The following VPS37B variants were observed in gnomAD, a reference collection of about 807,000 sequenced individuals.
VPS37B encodes VPS37B subunit of ESCRT-I, also known as vacuolar protein sorting-associated protein 37B.
VPS37B carries 11 observed loss-of-function variants against 21.2 expected under a neutral mutation model. The observed-to-expected ratio is 0.52, with a 90% confidence interval of 0.33 to 0.86. The LOEUF (loss-of-function observed/expected upper bound fraction) is 0.86. Among genes scored for constraint, VPS37B ranks in the 40% least tolerant of loss-of-function variants. The pLI is 0.03. For synonymous variants in VPS37B, 175 were observed against 159.6 expected (o/e 1.10, Z -0.73); for missense variants, 389 against 374.8 (o/e 1.04, Z -0.31).
chr12:122,867,406 G>A lies in VPS37B; in HGVS notation c.568C>T (p.Pro190Ser). Residue 190 changes from proline (P) to serine (S), a missense_variant, in exon 4 of 4, where the codon CCC becomes TCC. Coordinates refer to ENST00000267202, the MANE Select transcript of VPS37B (RefSeq NM_024667.3). The surrounding 1 kb of genome is among the most constrained non-coding windows in gnomAD (Gnocchi z 5.5). ...LPELAPTAPL[P>S]YPAPEASGPP... Reference sequence around the variant, plus strand: ...CCACTGGCCTCTGGGGCAGGGTAGGGAAGGGGGGCGGTAGGTGCCAGTTCG... The same window carrying A: ...CCACTGGCCTCTGGGGCAGGGTAGGAAAGGGGGGCGGTAGGTGCCAGTTCG... 6.9e-7 allele frequency: 1 copy of A among 1,455,776 alleles called. No homozygotes were observed. Among genetic ancestry groups the A allele is most frequent in the Non-Finnish European group, 9.2e-7 (1 of 1,085,224 alleles). The allele number at this position is 1,455,776 out of a possible 1,614,324, so 90.2% of individuals were successfully genotyped here.
At chr12:122,878,633 C>CTTTTTTTTTTTTTTTTTTTTTTTTTTTTT (rs34296385) in intron 1 of VPS37B, 1 of 83,722 alleles carries the variant, frequency 1.2e-5, no homozygotes, top group Non-Finnish European at 2.2e-5. Context: ...GACAAGAGTC[C>CTTTTTTTTTTTTTTTTTTTTTTTTTTTTT]TTTTTTTTTT....
At position 122,885,406 on chromosome 12, in the gene VPS37B, AG is replaced by A. The variant is rs1369824382; in HGVS notation, c.111+10545del. The A allele has an allele frequency of 3.9e-5, 6 of 152,186 alleles. No homozygotes were observed. In the East Asian group the frequency reaches 1.2e-3, roughly 29 times the overall value. The allele number at this position is 152,186 out of a possible 1,614,324, so 9.4% of individuals were successfully genotyped here. ...TATATAAATGACATATCCACATGAA[AG>A]ATCACATAGCTGTTAAAAATCATGT... On this transcript the variant is annotated intron_variant, in intron 1 of 3. Transcript: ENST00000267202.
chr12:122,876,814 A>G (rs909592708), intron 1 of VPS37B: 1 of 152,194 alleles, frequency 6.6e-6, no homozygotes, highest in Non-Finnish European at 1.5e-5. Context: ...TCAGCAAGAA[A>G]GAAAAGAGAT....
chr12:122,867,284 T>C lies in VPS37B; in HGVS notation c.690A>G (p.Gly230=). 7.5e-7 allele frequency: 1 copy of C among 1,335,502 alleles called. No homozygotes were observed. Among genetic ancestry groups the C allele is most frequent in the South Asian group, 1.2e-5 (1 of 82,262 alleles). 82.7% of individuals were successfully genotyped at this position (1,335,502 alleles called of 1,614,324 possible). The change falls in exon 4 of 4, where the codon GGA becomes GGG. Residue 230 remains glycine (G), a synonymous_variant. Transcript: ENST00000267202. The surrounding 1 kb of genome is among the most constrained non-coding windows in gnomAD (Gnocchi z 5.5). ...GTAATCCTGGGTACGGCACGGCCTG[T>C]CCCGAACTCATGGCCGCAGTAAACG... The part of the protein sequence containing the change: ...ATPFTAAMSS[G]QAVPYPGLQC...
chr12:122,868,296 C>T lies in VPS37B; in HGVS notation c.366+184G>A, dbSNP rs1449481813. On this transcript the variant is annotated intron_variant, in intron 3 of 3. Coordinates refer to ENST00000267202, the MANE Select transcript of VPS37B (RefSeq NM_024667.3). This position sits in a 1 kb window ranked among gnomAD's most constrained non-coding sequence, Gnocchi z 5.5. ...ACCTGCCCTCACTCACCCCGCTGCTCCCTGGACCCCTGCCTGGCACTTTCC... is the reference window on the plus strand; with the variant it reads ...ACCTGCCCTCACTCACCCCGCTGCTTCCTGGACCCCTGCCTGGCACTTTCC... 1.3e-5 allele frequency among the ~76,000 whole-genome samples: 2 copies of T among 152,150 alleles called. No homozygotes were observed. The highest frequency in any genetic ancestry group is 2.9e-5 in the Non-Finnish European group (2 of 68,024).
At chr12:122,874,058 G>C (rs1056836855) in intron 1 of VPS37B, 1 of 152,262 alleles carries the variant, frequency 6.6e-6, no homozygotes, top group Non-Finnish European at 1.5e-5. Flanking sequence ...AAAGTCACTA[G>C]AGACTAAGTC....
At chr12:122,889,593 G>T (rs1464171000) in intron 1 of VPS37B, 1 of 152,394 alleles carries the variant, frequency 6.6e-6, no homozygotes, top group South Asian at 2.1e-4. Flanking sequence ...ATGGTGGCGC[G>T]TGCCTGTAAT....
At chr12:122,871,560 A>G in intron 1 of VPS37B, 1 of 985,722 alleles carries the variant, frequency 1.0e-6, no homozygotes, top group Non-Finnish European at 1.2e-6. Flanking sequence ...CCTGGGAAGG[A>G]ACTGTGTTTC....
chr12:122,867,372 G>T lies in VPS37B; in HGVS notation c.602C>A (p.Ala201Asp). The part of the protein sequence containing the change: ...YPAPEASGPP[A>D]VAPRRIPPPP... ...GGGGGGGATGCGCCGAGGTGCAACG[G>T]CAGGAGGCCCACTGGCCTCTGGGGC... The change falls in exon 4 of 4, where the codon GCC (alanine) becomes GAC (aspartate). Residue 201 changes from alanine to aspartate, a missense_variant. Transcript: ENST00000267202. This position sits in a 1 kb window ranked among gnomAD's most constrained non-coding sequence, Gnocchi z 5.5. The T allele has an allele frequency of 6.5e-7, 1 of 1,542,910 alleles. No individual in the cohort carries two copies.
intron 1 of VPS37B, chr12:122,874,203 G>A (rs185805814): frequency 6.6e-5 from 10 of 152,320 alleles, no homozygotes; most frequent in Admixed American, 2.0e-4. Flanking sequence ...ATGCAGCACC[G>A]ACCGACATTC....
At chr12:122,886,499 G>C (rs1185960149) in intron 1 of VPS37B, 2 of 152,170 alleles carry the variant, frequency 1.3e-5, no homozygotes, top group Non-Finnish European at 2.9e-5. Context: ...GCAAGCGCCC[G>C]TAATCCCAGC....
chr12:122,871,381 T>C, intron 1 of VPS37B: 2 of 1,071,034 alleles, frequency 1.9e-6, no homozygotes, highest in Non-Finnish European at 2.3e-6. Flanking sequence ...GCCATTGTGC[T>C]TGCAGAAGTA....
Position 122,868,484 on chromosome 12 carries a change from G to A in VPS37B, c.362C>T (p.Thr121Ile), listed in dbSNP as rs749701714. 1.9e-6 allele frequency: 3 copies of A among 1,613,006 alleles called. No homozygotes were observed. The highest frequency in any genetic ancestry group is 2.5e-6 in the Non-Finnish European group (3 of 1,179,782). The stretch of plus-strand genomic sequence containing the variant: ...ACCAAGGCTGGTGGGCTTTACCTCA[G>A]TGTCTTCCTCAATCTTGGCCCCTTC... ...QAEGAKIEED[T>I]ENMAEKFLDG... is the part of the protein sequence containing the mutation. The change falls in exon 3 of 4, where the codon ACT becomes ATT. Residue 121 changes from threonine to isoleucine, a missense_variant. Transcript: ENST00000267202. This position sits in a 1 kb window ranked among gnomAD's most constrained non-coding sequence, Gnocchi z 5.5.
intron 1 of VPS37B, 145 bp from the exon 2 acceptor site, chr12:122,871,206 A>G (rs1186550130): frequency 1.3e-5 from 19 of 1,417,498 alleles, no homozygotes; most frequent in Non-Finnish European, 1.7e-5. Context: ...GGCAGATGCT[A>G]CTGACCCAGA....
At chr12:122,886,257 A>G (rs1229613258) in intron 1 of VPS37B, 4 of 152,220 alleles carry the variant, frequency 2.6e-5, no homozygotes, top group African/African-American at 9.7e-5. Flanking sequence ...TAAGAGTTGC[A>G]ATCAAGTGTG....
At chr12:122,888,625 A>ACGACCGAC (rs1322151709) in intron 1 of VPS37B, 2 of 455,854 alleles carry the variant, frequency 4.4e-6, no homozygotes, top group African/African-American at 4.0e-5. Flanking sequence ...CACTCTGCAT[A>ACGACCGAC]CGACCGACCG....
chr12:122,872,307 G>A, intron 1 of VPS37B: 2 of 985,396 alleles, frequency 2.0e-6, no homozygotes, highest in Non-Finnish European at 2.4e-6. Flanking sequence ...CCTAACCCCA[G>A]CAGGAGGGCT....
intron 1 of VPS37B, among the ~76,000 whole-genome samples, chr12:122,894,684 C>T (rs995078138): frequency 6.6e-6 from 1 of 152,244 alleles, no homozygotes; most frequent in African/African-American, 2.4e-5. Flanking sequence ...AAAGATCAGA[C>T]TTTCCGAGAA....
intron 1 of VPS37B, chr12:122,888,890 A>G (rs754111388): frequency 1.6e-5 from 4 of 247,058 alleles, no homozygotes; most frequent in Admixed American, 5.2e-5. Flanking sequence ...CCAGAACCAC[A>G]CTCCAACTGC....
Sources: allele counts gnomAD v4.1 joint callset (sites outside exome capture counted in the v4.1 genomes callset), GRCh38; gene constraint gnomAD v4.1.1; non-coding constraint Gnocchi (gnomAD v3.1); transcripts MANE v1.5; gene names NCBI Gene and HGNC (gene_info 2026-07-23, HGNC 2026-07-21).